Variants in GALNT11 observed in about 807,000 individuals in gnomAD.
GALNT11 encodes UDP-GalNAc:polypeptide N-acetylgalactosaminyltransferase 11.
In GALNT11, 47 loss-of-function variants were observed where a neutral mutation model predicts 72.7. The observed-to-expected ratio is 0.65, with a 90% CI of 0.51 to 0.82. The LOEUF is 0.82. Ranked by LOEUF, GALNT11 falls within the 40% of genes least tolerant of loss-of-function variation. The pLI is 0.00. For missense variants in GALNT11, 677 were observed against 778.4 expected, an observed-to-expected ratio of 0.87 and a Z score of 1.55; for synonymous variants, 270 against 286.6, an observed-to-expected ratio of 0.94 and a Z score of 0.58.
intron 1 of GALNT11, among the ~76,000 whole-genome samples, chr7:152,050,820 C>G (rs2083357512): frequency 6.6e-6 from 1 of 152,218 alleles, no homozygotes; most frequent in South Asian, 2.1e-4. Flanking sequence ...TGGGCAATTC[C>G]CCTCTGGCTA....
chr7:152,055,224 GGGT>G (rs2083602944), intron 1 of GALNT11, among the ~76,000 whole-genome samples: 1 of 152,074 alleles, frequency 6.6e-6, no homozygotes, highest in South Asian at 2.1e-4. Flanking sequence ...GAGGTACTGG[GGGT>G]TAGGACTTCA....
chr7:152,111,188 T>C (rs1458422927), intron 7 of GALNT11, among the ~76,000 whole-genome samples: 1 of 152,200 alleles, frequency 6.6e-6, no homozygotes, highest in Non-Finnish European at 1.5e-5. Context: ...CTTGCTCCGC[T>C]GCCCAGGTTG....
intron 1 of GALNT11, among the ~76,000 whole-genome samples, chr7:152,038,386 G>A (rs940025759): frequency 6.6e-6 from 1 of 152,224 alleles, no homozygotes; most frequent in Non-Finnish European, 1.5e-5. Flanking sequence ...TGCAGCATAA[G>A]TATGTCCTTA....
intron 6 of GALNT11, among the ~76,000 whole-genome samples, chr7:152,108,696 G>A (rs998961101): frequency 6.6e-6 from 1 of 152,174 alleles, no homozygotes; most frequent in Non-Finnish European, 1.5e-5. Context: ...CTTTCATTAG[G>A]ATTTTGAAGA....
intron 1 of GALNT11, among the ~76,000 whole-genome samples, chr7:152,075,441 T>A (rs1244036321): frequency 6.6e-6 from 1 of 152,228 alleles, no homozygotes; most frequent in African/African-American, 2.4e-5. Context: ...ACCTTTCTTA[T>A]GTATCACCGG....
chr7:152,114,059 A>G (rs1391961991), intron 8 of GALNT11, among the ~76,000 whole-genome samples: 1 of 151,640 alleles, frequency 6.6e-6, no homozygotes, highest in Admixed American at 6.6e-5. Context: ...CCACTGTGCC[A>G]GGCCTGGCCT....
chr7:152,116,127 A>G (rs978275857), intron 8 of GALNT11, among the ~76,000 whole-genome samples: 4 of 152,230 alleles, frequency 2.6e-5, no homozygotes, highest in Admixed American at 6.5e-5. Flanking sequence ...AAATTTTTCA[A>G]TATTTGGTAG....
chr7:152,066,124 A>G (rs1243483426), intron 1 of GALNT11, among the ~76,000 whole-genome samples: 2 of 152,282 alleles, frequency 1.3e-5, no homozygotes, highest in Non-Finnish European at 2.9e-5. Context: ...TACCTACTCA[A>G]GCCTCAGCAA....
intron 1 of GALNT11, among the ~76,000 whole-genome samples, chr7:152,058,063 A>G (rs1166995090): frequency 6.6e-6 from 1 of 152,154 alleles, no homozygotes; most frequent in African/African-American, 2.4e-5. Context: ...AGGGACTATC[A>G]CAAAGTGAAT....
chr7:152,027,976 G>C lies in GALNT11; in HGVS notation c.-39+2092G>C, dbSNP rs117371184. ...CGCAGTGAGTGTTACAGGTCTTAAA[G>C]GTGGCATGTCGAGAGTTGTTTGTTC... On this transcript the variant is annotated intron_variant, in intron 1 of 11. Coordinates refer to ENST00000430044, the MANE Select transcript of GALNT11 (RefSeq NM_022087.4). Among the ~76,000 whole-genome samples, 874 of 152,200 alleles carry C rather than the reference G, an allele frequency of 5.7e-3. 7 individuals are homozygous for C. The highest frequency in any genetic ancestry group is 0.01 in the Non-Finnish European group (696 of 68,010).
At chr7:152,056,969 G>C (rs985793641) in intron 1 of GALNT11, among the ~76,000 whole-genome samples, 1 of 149,994 alleles carries the variant, frequency 6.7e-6, no homozygotes, top group African/African-American at 2.5e-5. Flanking sequence ...CTCCCAAGTA[G>C]CTGGGACCAC....
chr7:152,096,162 T>A (rs934294698), intron 2 of GALNT11, among the ~76,000 whole-genome samples: 10 of 152,196 alleles, frequency 6.6e-5, no homozygotes, highest in African/African-American at 2.2e-4. Flanking sequence ...GTTCATAGAA[T>A]GGAATACTAA....
At chr7:152,071,271 G>C (rs933874014) in intron 1 of GALNT11, among the ~76,000 whole-genome samples, 2 of 147,446 alleles carry the variant, frequency 1.4e-5, no homozygotes, top group African/African-American at 5.0e-5. Flanking sequence ...TCAACCATAA[G>C]AGACGGGCAC....
At chr7:152,093,836 T>C (rs2086199052) in intron 1 of GALNT11, 2 of 162,894 alleles carry the variant, frequency 1.2e-5, no homozygotes, top group South Asian at 4.0e-4. Flanking sequence ...TGTCCTGTTA[T>C]GATACATGTG....
intron 10 of GALNT11, 97 bp downstream of exon 10, chr7:152,118,879 T>C: frequency 1.1e-6 from 1 of 922,648 alleles, no homozygotes; most frequent in Non-Finnish European, 1.6e-6. Flanking sequence ...CAGTGTCTAC[T>C]ATTCTGGCTT....
chr7:152,113,807 G>A (rs2088543855), intron 8 of GALNT11, among the ~76,000 whole-genome samples: 3 of 137,246 alleles, frequency 2.2e-5, no homozygotes, highest in African/African-American at 8.2e-5. Flanking sequence ...TGTGATCACG[G>A]CTCACTGCAG....
At chr7:152,113,639 TG>T (rs2088482500) in intron 8 of GALNT11, among the ~76,000 whole-genome samples, 1 of 151,256 alleles carries the variant, frequency 6.6e-6, no homozygotes, top group Non-Finnish European at 1.5e-5. Context: ...CGGCTAATGT[TG>T]GAAGAAATTC....
intron 11 of GALNT11, 54 bp downstream of exon 11, chr7:152,121,022 T>G: frequency 6.3e-7 from 1 of 1,578,824 alleles, no homozygotes; most frequent in Non-Finnish European, 8.6e-7. Context: ...CAAGGTTGAG[T>G]GAGGGAGTGT....
In GALNT11 at chr7:152,108,070, G is replaced by A; in HGVS notation, c.745G>A (p.Glu249Lys). The A allele has an allele frequency of 6.2e-7, 1 of 1,613,086 alleles. No individual in the cohort carries two copies. The highest frequency in any genetic ancestry group is 8.5e-7 in the Non-Finnish European group (1 of 1,179,184). The change falls in exon 6 of 12, where the codon GAA (glutamate) becomes AAA (lysine). Residue 249 changes from glutamate to lysine, a missense_variant. Glu to Lys is a moderately conservative substitution (Grantham distance 56). Coordinates refer to ENST00000430044, the MANE Select transcript of GALNT11 (RefSeq NM_022087.4). Reference sequence around the variant, plus strand: ...CCTTGTGTTCCTGGACAGCCACTGTGAAGTGAATGTGATGTGGCTGCAGCC... The same window carrying A: ...CCTTGTGTTCCTGGACAGCCACTGTAAAGTGAATGTGATGTGGCTGCAGCC... The part of the protein sequence containing the change: ...EVLVFLDSHC[E>K]VNVMWLQPLL...
Sources: allele counts gnomAD v4.1 joint callset (sites outside exome capture counted in the v4.1 genomes callset), GRCh38; gene constraint gnomAD v4.1.1; transcripts MANE v1.5; gene names NCBI Gene and HGNC (gene_info 2026-07-23, HGNC 2026-07-21).